The following FBLN5 variants were observed in gnomAD, a reference collection of about 807,000 sequenced individuals.
FBLN5 encodes the protein fibulin 5.
In FBLN5, 24 loss-of-function variants were observed where a neutral mutation model predicts 61.6. The observed-to-expected ratio is 0.39, with a 90% CI of 0.28 to 0.55. The LOEUF (loss-of-function observed/expected upper bound fraction) is 0.55, where lower values mean the gene tolerates loss of function less well. FBLN5 is among the 20% of genes least tolerant of loss of function. The pLI, the probability that FBLN5 is intolerant of heterozygous loss-of-function variation, is 0.65. For missense variants in FBLN5, 470 were observed against 594.1 expected (o/e 0.79, Z 2.17); for synonymous variants, 213 against 219.8 (o/e 0.97, Z 0.27).
intron 4 of FBLN5, among the ~76,000 whole-genome samples, chr14:91,926,694 T>C (rs2055834791): frequency 6.6e-6 from 1 of 151,876 alleles, no homozygotes; most frequent in Non-Finnish European, 1.5e-5. Context: ...TGTCTGACCC[T>C]ATGACTGGCA....
In FBLN5 at chr14:91,894,954, G is replaced by A. The variant is rs1459733800; in HGVS notation, c.498C>T (p.Cys166=). The part of the protein sequence containing the change: ...TDGYWLLEGQ[C]LDIDECRYGY... The stretch of plus-strand genomic sequence containing the variant: ...ACCCCCCCAGAGAGCTGTTACCTAA[G>A]CACTGGCCTTCCAGAAGCCAATATC... Residue 166 remains cysteine (C), a synonymous_variant, in exon 5 of 11, where the codon TGC becomes TGT. Transcript: ENST00000342058. 1 of 1,613,420 alleles carries A rather than the reference G, an allele frequency of 6.2e-7. No individual in the cohort carries two copies. The highest frequency in any genetic ancestry group is 8.5e-7 in the Non-Finnish European group (1 of 1,179,790).
At chr14:91,933,270 T>C in intron 4 of FBLN5, among the ~76,000 whole-genome samples, 1 of 152,168 alleles carries the variant, frequency 6.6e-6, no homozygotes, top group Non-Finnish European at 1.5e-5. Flanking sequence ...GGAAGTTTTT[T>C]TATTTTAATT....
chr14:91,887,613 C>T (rs776825027), intron 6 of FBLN5, among the ~76,000 whole-genome samples: 8 of 152,102 alleles, frequency 5.3e-5, no homozygotes, highest in Admixed American at 1.3e-4. Flanking sequence ...TATGCTCCAA[C>T]GCACCCCCCC....
At chr14:91,945,819 T>TG in intron 1 of FBLN5, among the ~76,000 whole-genome samples, 1 of 152,330 alleles carries the variant, frequency 6.6e-6, no homozygotes, top group Middle Eastern at 3.4e-3. Context: ...GAGACAGCTC[T>TG]GACCTTATAA....
At chr14:91,928,778 G>T (rs968137315) in intron 4 of FBLN5, among the ~76,000 whole-genome samples, 10 of 151,760 alleles carry the variant, frequency 6.6e-5, no homozygotes, top group African/African-American at 2.2e-4. Flanking sequence ...CCTGTCTCAG[G>T]CCGGGCGCAG....
chr14:91,874,363 G>T (rs543850650), intron 10 of FBLN5: 38 of 152,252 alleles, frequency 2.5e-4, no homozygotes, highest in African/African-American at 9.2e-4. Flanking sequence ...TGCTATTTCT[G>T]GAATACTTTC....
Position 91,901,511 on chromosome 14 carries a change from AG to A in FBLN5, c.380-6440del, listed in dbSNP as rs144924168. On this transcript the variant is annotated intron_variant, in intron 4 of 10. Transcript: ENST00000342058. ...TCAAGCTAATGGGGCTTGATAAGAA[AG>A]AAGAAAACAACAATGGCACATTCCT... 7.2e-3 allele frequency among the ~76,000 whole-genome samples: 1,090 copies of A among 152,336 alleles called. 28 individuals carry two copies. The highest frequency in any genetic ancestry group is 0.025 in the African/African-American group (1,042 of 41,564).
At chr14:91,902,945 G>T (rs1238133149) in intron 4 of FBLN5, among the ~76,000 whole-genome samples, 3 of 152,098 alleles carry the variant, frequency 2.0e-5, no homozygotes, top group Admixed American at 1.3e-4. Context: ...AAGGGAGGGA[G>T]GCATGGGTCA....
Position 91,912,234 on chromosome 14 carries a change from T to C in FBLN5, c.380-17162A>G, listed in dbSNP as rs546807099. Among the ~76,000 whole-genome samples, 10 of 152,346 alleles carry C rather than the reference T, an allele frequency of 6.6e-5. No homozygotes were observed. The South Asian group carries it at 2.1e-3, about 32-fold the overall frequency. On this transcript the variant is annotated intron_variant, in intron 4 of 10. Coordinates refer to ENST00000342058, the MANE Select transcript of FBLN5 (RefSeq NM_006329.4). The stretch of plus-strand genomic sequence containing the variant: ...CTTCGGGGCTGGGTATGGTGACTCA[T>C]GCCTGTAATCCCAACACTTTGGAAG...
At chr14:91,910,116 G>T (rs540800870) in intron 4 of FBLN5, among the ~76,000 whole-genome samples, 1 of 152,194 alleles carries the variant, frequency 6.6e-6, no homozygotes, top group East Asian at 1.9e-4. Context: ...GGAGGTGGAA[G>T]CAACCCAAAT....
At chr14:91,902,285 T>G (rs2402087) in intron 4 of FBLN5, among the ~76,000 whole-genome samples, 26,261 of 146,042 alleles carry the variant, frequency 0.18, 2,442 homozygotes, top group Admixed American at 0.23. Context: ...TTGTTTGTTT[T>G]TTTTTTTTTT....
intron 4 of FBLN5, among the ~76,000 whole-genome samples, chr14:91,914,113 C>G (rs1891078163): frequency 6.6e-6 from 1 of 152,140 alleles, no homozygotes; most frequent in Admixed American, 6.5e-5. Flanking sequence ...GAGGCCAAGG[C>G]AGGCAGATCA....
rs903318970 is a variant in FBLN5 at position 91,899,556 on chromosome 14, C to G, written c.380-4484G>C. Among the ~76,000 whole-genome samples, 6 of 152,238 alleles carry G rather than the reference C, an allele frequency of 3.9e-5. No homozygotes were observed. The East Asian group carries it at 9.6e-4, about 24-fold the overall frequency. ...CTCCCTTGAGACATCCACAGAGTGGCCTTCTCAATCTGAAACAACTGCTCA... is the reference window on the plus strand; with the variant it reads ...CTCCCTTGAGACATCCACAGAGTGGGCTTCTCAATCTGAAACAACTGCTCA... On this transcript the variant is annotated intron_variant, in intron 4 of 10. Coordinates refer to ENST00000342058, the MANE Select transcript of FBLN5 (RefSeq NM_006329.4).
chr14:91,931,285 T>A (rs1304488386), intron 4 of FBLN5, among the ~76,000 whole-genome samples: 1 of 152,222 alleles, frequency 6.6e-6, no homozygotes, highest in East Asian at 1.9e-4. Flanking sequence ...CTTGTGCTTG[T>A]GTTGCGTTTA....
chr14:91,938,380 G>A (rs1175135811), intron 3 of FBLN5: 4 of 160,974 alleles, frequency 2.5e-5, no homozygotes, highest in Non-Finnish European at 4.1e-5. Flanking sequence ...GCTTGAACCC[G>A]GGAGGCAGAG....
chr14:91,903,212 C>T (rs1218880811), intron 4 of FBLN5, among the ~76,000 whole-genome samples: 1 of 152,154 alleles, frequency 6.6e-6, no homozygotes, highest in African/African-American at 2.4e-5. Flanking sequence ...AAGACTCTAG[C>T]ACAGTCTAGC....
chr14:91,881,590 C>T (rs1555374933), intron 8 of FBLN5, among the ~76,000 whole-genome samples, 172 bp from the exon 9 acceptor site: 2 of 151,522 alleles, frequency 1.3e-5, no homozygotes, highest in Non-Finnish European at 2.9e-5. Context: ...TTGAGATGTG[C>T]TGTAAGTAGA....
chr14:91,912,959 T>C (rs185837885), intron 4 of FBLN5, among the ~76,000 whole-genome samples: 31 of 152,328 alleles, frequency 2.0e-4, no homozygotes, highest in African/African-American at 5.8e-4. Flanking sequence ...ATTCATCCAT[T>C]CATTCATTTA....
At chr14:91,876,852 G>A (rs897022540) in intron 10 of FBLN5, among the ~76,000 whole-genome samples, 2 of 152,084 alleles carry the variant, frequency 1.3e-5, no homozygotes, top group Admixed American at 1.3e-4. Context: ...TTCAGAGATG[G>A]GGTCTCGCTC....
Sources: allele counts gnomAD v4.1 joint callset (sites outside exome capture counted in the v4.1 genomes callset), GRCh38; gene constraint gnomAD v4.1.1; transcripts MANE v1.5; gene names NCBI Gene and HGNC (gene_info 2026-07-23, HGNC 2026-07-21).